TMEM255B: variants seen among roughly 807,000 people sequenced by gnomAD.
TMEM255B encodes the protein family with sequence similarity 70, member B.
TMEM255B carries 35 observed loss-of-function variants against 34.5 expected under a neutral mutation model. The observed-to-expected ratio is 1.01, with a 90% CI of 0.77 to 1.34. The LOEUF (loss-of-function observed/expected upper bound fraction) is 1.34. TMEM255B is among the 40% of genes most tolerant of loss of function. The pLI, the probability that TMEM255B is intolerant of heterozygous loss-of-function variation, is 0.00. For synonymous variants in TMEM255B, 206 were observed against 201.2 expected (o/e 1.02, Z -0.20); for missense variants, 432 against 433.2 (o/e 1.00, Z 0.02).
At chr13:113,775,061 A>C in intron 3 of TMEM255B, among the ~76,000 whole-genome samples, 1 of 106,028 alleles carries the variant, frequency 9.4e-6, no homozygotes, top group Non-Finnish European at 2.1e-5. Flanking sequence ...AACACACCAC[A>C]CACCACACAC....
At chr13:113,793,997 G>A (rs926450020) in intron 3 of TMEM255B, among the ~76,000 whole-genome samples, 5 of 152,224 alleles carry the variant, frequency 3.3e-5, no homozygotes, top group East Asian at 1.9e-4. Context: ...AGCGGGTAGC[G>A]TTAGAGCCTT....
chr13:113,799,649 A>T (rs1273726679), intron 5 of TMEM255B: 1 of 637,514 alleles, frequency 1.6e-6, no homozygotes, highest in Non-Finnish European at 2.9e-6. Flanking sequence ...ATTAAATCAC[A>T]ACAGTCTCAG....
chr13:113,799,443 T>C (rs7400029), intron 5 of TMEM255B, 24 bp downstream of exon 5: 1,000,123 of 1,608,294 alleles, frequency 0.62, 313,464 homozygotes, highest in African/African-American at 0.79. Context: ...CTGAGATTCA[T>C]GTGGGTTTTG....
chr13:113,784,358 G>T (rs1167133097), intron 3 of TMEM255B, among the ~76,000 whole-genome samples: 1 of 152,182 alleles, frequency 6.6e-6, no homozygotes, highest in East Asian at 1.9e-4. Flanking sequence ...GGTCCTCTGA[G>T]GACCAGGACG....
At chr13:113,764,018 TC>T (rs2050349259) in intron 1 of TMEM255B, among the ~76,000 whole-genome samples, 1 of 152,138 alleles carries the variant, frequency 6.6e-6, no homozygotes, top group African/African-American at 2.4e-5. Context: ...AGGGCAGGTG[TC>T]GGGTGCCTGG....
chr13:113,759,427 C>G (rs1005649009), intron 1 of TMEM255B, 112 bp downstream of exon 1: 62 of 999,414 alleles, frequency 6.2e-5, no homozygotes, highest in Admixed American at 3.4e-4. Context: ...GGAGACGCGG[C>G]ACGGGGTCTG....
intron 3 of TMEM255B, among the ~76,000 whole-genome samples, chr13:113,777,971 C>T (rs765905684): frequency 6.6e-5 from 10 of 152,170 alleles, no homozygotes; most frequent in Admixed American, 5.9e-4. Flanking sequence ...GACTGTGGAC[C>T]GGTCAGGGCT....
intron 3 of TMEM255B, among the ~76,000 whole-genome samples, chr13:113,791,605 G>A (rs980940296): frequency 6.6e-6 from 1 of 152,210 alleles, no homozygotes; most frequent in Non-Finnish European, 1.5e-5. Context: ...CTGAGGCGCT[G>A]TCTGAGCGAA....
In TMEM255B at chr13:113,812,946, T is replaced by TGGGTCACGGGC. The variant is rs1566342047; in HGVS notation, c.*1043_*1044insGGGTCACGGGC. The TGGGTCACGGGC allele has an allele frequency of 1.8e-5, 2 of 110,242 alleles. No homozygotes were observed. Among genetic ancestry groups the TGGGTCACGGGC allele is most frequent in the Non-Finnish European group, 3.7e-5 (2 of 53,942 alleles). 6.8% of individuals were successfully genotyped at this position (110,242 alleles called of 1,614,324 possible). A position where few individuals can be genotyped will look rare whatever the true frequency, so the allele number is the denominator to read the frequency against. On this transcript the variant is annotated 3_prime_UTR_variant, in exon 9 of 9. Transcript: ENST00000375353. ...TCACGGGTCCCGGGTGGGTCACGGG[T>TGGGTCACGGGC]CCCGGGTGGGTCACGGGCCCCGGGT...
chr13:113,782,821 C>G (rs994659961), intron 3 of TMEM255B, among the ~76,000 whole-genome samples: 1 of 152,166 alleles, frequency 6.6e-6, no homozygotes, highest in Admixed American at 6.5e-5. Flanking sequence ...CAGTGTCCAG[C>G]GTTGCCACAT....
intron 3 of TMEM255B, among the ~76,000 whole-genome samples, chr13:113,779,358 T>A (rs9550258): frequency 0.41 from 62,439 of 151,822 alleles, 14,136 homozygotes; most frequent in East Asian, 0.72. Flanking sequence ...TGAGAGAGAG[T>A]GGTCCTTACG....
intron 4 of TMEM255B, among the ~76,000 whole-genome samples, chr13:113,796,198 C>G (rs369091950): frequency 4.8e-5 from 7 of 146,604 alleles, no homozygotes; most frequent in African/African-American, 1.5e-4. Flanking sequence ...GAGCACACAG[C>G]ACACAACACA....
intron 3 of TMEM255B, among the ~76,000 whole-genome samples, chr13:113,781,074 G>A (rs986702025): frequency 1.3e-5 from 2 of 152,032 alleles, no homozygotes; most frequent in Non-Finnish European, 2.9e-5. Context: ...CTTTACATTA[G>A]TGTACTATTA....
rs752074839 is a variant in TMEM255B, at chr13:113,766,333, C to T, written c.189+76C>T. 4.4e-6 allele frequency: 7 copies of T among 1,597,670 alleles called. No individual in the cohort carries two copies. In the South Asian group the frequency reaches 5.5e-5, roughly 13 times the overall value. On this transcript the variant is annotated intron_variant, in intron 2 of 8. Transcript: ENST00000375353. ...GGCTCTCTCAGGGTGGAGTCCACGC[C>T]AGCTCACAGGGCTGGGGCTGAAGGT...
At chr13:113,803,893 C>G (rs12859928) in intron 7 of TMEM255B, among the ~76,000 whole-genome samples, 2 of 151,952 alleles carry the variant, frequency 1.3e-5, no homozygotes, top group South Asian at 4.1e-4. Flanking sequence ...GGTCATCACC[C>G]TGTCCCGGGG....
rs200590960 is a variant in TMEM255B, at chr13:113,815,962, CACAG to C, written c.*4065_*4068del. The C allele has an allele frequency of 0.011, 1,721 of 161,206 alleles. 39 individuals carry two copies. Among genetic ancestry groups the C allele is most frequent in the African/African-American group, 0.039 (1,579 of 40,958 alleles). 10.0% of individuals were successfully genotyped at this position (161,206 alleles called of 1,614,324 possible). A position where few individuals can be genotyped will look rare whatever the true frequency, so the allele number is the denominator to read the frequency against. The stretch of plus-strand genomic sequence containing the variant: ...ATGCAGTGTCCAGAGAAGGCGTGTC[CACAG>C]ACAGAAGCCGACTGGGAAAGGAGGT... On this transcript the variant is annotated 3_prime_UTR_variant, in exon 9 of 9. Coordinates refer to ENST00000375353, the MANE Select transcript of TMEM255B (RefSeq NM_182614.4).
At chr13:113,786,356 GTAAT>G (rs1204886059) in intron 3 of TMEM255B, among the ~76,000 whole-genome samples, 1 of 150,762 alleles carries the variant, frequency 6.6e-6, no homozygotes, top group East Asian at 1.9e-4. Flanking sequence ...TGTCGTCACT[GTAAT>G]TACCGTCTTC....
chr13:113,800,118 T>G, intron 5 of TMEM255B: 3 of 1,091,728 alleles, frequency 2.7e-6, no homozygotes, highest in Non-Finnish European at 3.4e-6. Flanking sequence ...GCAGGAGGCG[T>G]CCCGTGTGTG....
chr13:113,816,955 GC>G lies in TMEM255B; in HGVS notation c.*5053del, dbSNP rs1335063407. On this transcript the variant is annotated 3_prime_UTR_variant, in exon 9 of 9. Coordinates refer to ENST00000375353, the MANE Select transcript of TMEM255B (RefSeq NM_182614.4). ...CTGGGATTAGCCCGGCTGTACATTT[GC>G]TTTATGCTTCCGTTGGCATTTAAAA... 1 of 152,128 alleles carries G rather than the reference GC, an allele frequency of 6.6e-6. No homozygotes were observed. Among genetic ancestry groups the G allele is most frequent in the African/African-American group, 2.4e-5 (1 of 41,388 alleles). The allele number at this position is 152,128 out of a possible 1,614,324, so 9.4% of individuals were successfully genotyped here. A position where few individuals can be genotyped will look rare whatever the true frequency, so the allele number is the denominator to read the frequency against.
Sources: gnomAD v4.1 joint callset for allele counts (sites outside exome capture counted in the v4.1 genomes callset) on GRCh38, gnomAD v4.1.1 for gene constraint, MANE v1.5 for transcripts, NCBI Gene and HGNC (gene_info 2026-07-23, HGNC 2026-07-21) for gene names.